FHIP1A: variants seen among roughly 807,000 people sequenced by gnomAD.
FHIP1A encodes the protein FHF complex subunit HOOK-interacting protein 1A.
A neutral mutation model predicts 88.6 loss-of-function variants in FHIP1A; 61 were observed. The observed-to-expected ratio is 0.69, with a 90% confidence interval of 0.56 to 0.85. FHIP1A has a LOEUF of 0.85. FHIP1A is among the 40% of genes least tolerant of loss of function. The pLI is 0.00. For synonymous variants in FHIP1A, 478 were observed against 496.0 expected, an observed-to-expected ratio of 0.96 and a Z score of 0.48; for missense variants, 1,154 against 1,273.5, an observed-to-expected ratio of 0.91 and a Z score of 1.43.
chr4:151,541,957 ATC>A (rs1460173827), intron 3 of FHIP1A, among the ~76,000 whole-genome samples: 1 of 152,192 alleles, frequency 6.6e-6, no homozygotes, highest in Non-Finnish European at 1.5e-5. Flanking sequence ...TCCCTGGAGA[ATC>A]TCTGACTGGC....
intron 3 of FHIP1A, among the ~76,000 whole-genome samples, chr4:151,530,710 G>A (rs1731842953): frequency 6.6e-6 from 1 of 152,082 alleles, no homozygotes; most frequent in Admixed American, 6.5e-5. Context: ...CTTTGGTGGC[G>A]TTGTAGTGAC....
chr4:151,577,175 CTTAA>C (rs1246418917), intron 4 of FHIP1A, among the ~76,000 whole-genome samples: 1 of 152,198 alleles, frequency 6.6e-6, no homozygotes, highest in East Asian at 1.9e-4. Context: ...ATGCATGTAG[CTTAA>C]TTTATATAAC....
Position 151,629,714 on chromosome 4 carries a change from G to C in FHIP1A, c.991G>C (p.Glu331Gln). ...APALHKVTVE[E>Q]VMTTTAYLDL... is the part of the protein sequence containing the mutation. ...TTGTTTGTCCTAGGTGACTGTGGAA[G>C]AGGTCATGACCACAACTGCATATCT... Residue 331 changes from glutamate to glutamine, a missense_variant, in exon 8 of 14, where the codon GAG becomes CAG. Physicochemically the swap from Glu to Gln is conservative, Grantham distance 29. Coordinates refer to ENST00000435205, the MANE Select transcript of FHIP1A (RefSeq NM_001109977.3). 1 of 1,551,034 alleles carries C rather than the reference G, an allele frequency of 6.4e-7. No homozygotes were observed. Among genetic ancestry groups the C allele is most frequent in the South Asian group, 1.2e-5 (1 of 84,012 alleles).
chr4:151,649,400 A>G (rs1272182811), intron 10 of FHIP1A, 59 bp from the exon 11 acceptor site: 3 of 1,299,268 alleles, frequency 2.3e-6, no homozygotes, highest in Non-Finnish European at 1.1e-6. Context: ...TCACAACCCC[A>G]TCCACTACCT....
intron 3 of FHIP1A, among the ~76,000 whole-genome samples, chr4:151,528,665 C>T (rs528316010): frequency 1.3e-5 from 2 of 152,200 alleles, no homozygotes; most frequent in South Asian, 4.2e-4. Context: ...GATGGGGGAG[C>T]AGAGGGAAAC....
chr4:151,611,963 A>C (rs968073149), intron 7 of FHIP1A, among the ~76,000 whole-genome samples: 1 of 152,226 alleles, frequency 6.6e-6, no homozygotes. Context: ...ATCTAAGTGG[A>C]GAGATTAAAT....
Position 151,538,171 on chromosome 4 carries a change from C to T in FHIP1A, c.-122-27967C>T, listed in dbSNP as rs529513712. Among the ~76,000 whole-genome samples the T allele has an allele frequency of 3.9e-5, 6 of 152,164 alleles. 1 individual carries two copies. The South Asian group carries it at 8.3e-4, about 21-fold the overall frequency. On this transcript the variant is annotated intron_variant, in intron 3 of 13. Transcript: ENST00000435205. Reference sequence around the variant, plus strand: ...AGATGGTTGAGGGTGAACTCTTTAACCTCATGGCCTGGTTTTTCATCCTGG... The same window carrying T: ...AGATGGTTGAGGGTGAACTCTTTAATCTCATGGCCTGGTTTTTCATCCTGG...
intron 2 of FHIP1A, among the ~76,000 whole-genome samples, chr4:151,467,367 C>T (rs539062601): frequency 6.6e-6 from 1 of 152,316 alleles, no homozygotes; most frequent in East Asian, 1.9e-4. Flanking sequence ...CACTTTTACA[C>T]TGTCGATGGG....
rs142726244 is a variant in FHIP1A, at chr4:151,523,344, C to T, written c.-123+40696C>T. ...GTCAAGTGACAGATTTGTTTACTTG[C>T]TGACACAGTGGAATTTGTTCATTTA... On this transcript the variant is annotated intron_variant, in intron 3 of 13. Transcript: ENST00000435205. Among the ~76,000 whole-genome samples, 35 of 152,178 alleles carry T rather than the reference C, an allele frequency of 2.3e-4. No homozygotes were observed. In the East Asian group the frequency reaches 6.2e-3, roughly 27 times the overall value.
chr4:151,648,913 G>A (rs1481377633), intron 10 of FHIP1A, among the ~76,000 whole-genome samples: 1 of 151,870 alleles, frequency 6.6e-6, no homozygotes, highest in Non-Finnish European at 1.5e-5. Context: ...GACTTTTGTA[G>A]TGAATATGAT....
intron 4 of FHIP1A, 144 bp from the exon 5 acceptor site, chr4:151,577,306 C>A: frequency 1.6e-6 from 1 of 615,652 alleles, no homozygotes; most frequent in Non-Finnish European, 2.8e-6. Context: ...GAGGGAGACA[C>A]ACACACACAC....
intron 3 of FHIP1A, among the ~76,000 whole-genome samples, chr4:151,536,697 A>G (rs1474086411): frequency 2.0e-5 from 3 of 152,108 alleles, no homozygotes; most frequent in South Asian, 2.1e-4. Flanking sequence ...AGTTTGTTTA[A>G]TCATTTACCT....
chr4:151,634,385 A>AT (rs894046881), intron 8 of FHIP1A, among the ~76,000 whole-genome samples: 8 of 151,944 alleles, frequency 5.3e-5, no homozygotes, highest in Non-Finnish European at 1.0e-4. Flanking sequence ...TCCCAATGGC[A>AT]TTTTTTGGGC....
chr4:151,640,375 A>G (rs1015573356), intron 9 of FHIP1A, among the ~76,000 whole-genome samples: 9 of 152,198 alleles, frequency 5.9e-5, no homozygotes, highest in African/African-American at 2.2e-4. Flanking sequence ...AGATTAGGTC[A>G]TCAGTAGCTA....
intron 4 of FHIP1A, among the ~76,000 whole-genome samples, chr4:151,575,997 T>G (rs527704467): frequency 6.6e-6 from 1 of 152,342 alleles, no homozygotes; most frequent in East Asian, 1.9e-4. Flanking sequence ...ATAAAGTCAT[T>G]GATAAATGTT....
At chr4:151,469,921 A>G (rs1729451409) in intron 2 of FHIP1A, among the ~76,000 whole-genome samples, 1 of 152,206 alleles carries the variant, frequency 6.6e-6, no homozygotes, top group African/African-American at 2.4e-5. Context: ...TTCAAAGACT[A>G]GTGCCCTTGT....
In FHIP1A at chr4:151,662,861, T is replaced by C. The variant is rs907390414; in HGVS notation, c.*107T>C. ...CAAAGATTTCTACTTTAATGTTTCC[T>C]GACAATACTTGATTTGTGGGGAGGG... On this transcript the variant is annotated 3_prime_UTR_variant, in exon 14 of 14. Coordinates refer to ENST00000435205, the MANE Select transcript of FHIP1A (RefSeq NM_001109977.3). 2.4e-5 allele frequency: 26 copies of C among 1,085,122 alleles called. No individual in the cohort carries two copies. In the African/African-American group the frequency reaches 3.7e-4, roughly 16 times the overall value. 67.2% of individuals were successfully genotyped at this position (1,085,122 alleles called of 1,614,324 possible). A position where few individuals can be genotyped will look rare whatever the true frequency, so the allele number is the denominator to read the frequency against.
chr4:151,412,573 T>TG, intron 1 of FHIP1A, among the ~76,000 whole-genome samples: 1 of 142,302 alleles, frequency 7.0e-6, no homozygotes, highest in South Asian at 2.3e-4. Flanking sequence ...TTTCTTTCTT[T>TG]CTTTCCTTTC....
At chr4:151,431,498 G>A (rs1010669365) in intron 1 of FHIP1A, among the ~76,000 whole-genome samples, 5 of 151,268 alleles carry the variant, frequency 3.3e-5, no homozygotes, top group Non-Finnish European at 7.4e-5. Context: ...TTACCTGACT[G>A]TCGTGCCATT....
Sources: allele counts gnomAD v4.1 joint callset (sites outside exome capture counted in the v4.1 genomes callset), GRCh38; gene constraint gnomAD v4.1.1; transcripts MANE v1.5; gene names NCBI Gene and HGNC (gene_info 2026-07-23, HGNC 2026-07-21).